The following CNTNAP2 variants were observed in gnomAD, a reference collection of about 807,000 sequenced individuals.
CNTNAP2 encodes the protein contactin-associated protein-like 2.
CNTNAP2 carries 98 observed loss-of-function variants against 155.2 expected under a neutral mutation model. The ratio of observed to expected loss-of-function variants is 0.63; its 90% CI spans 0.54 to 0.75. The LOEUF (loss-of-function observed/expected upper bound fraction) is 0.75, where lower values mean the gene tolerates loss of function less well. CNTNAP2 is among the 30% of genes least tolerant of loss of function. The pLI is 0.00. For missense variants in CNTNAP2, 1,727 were observed against 1,688.1 expected (o/e 1.02, Z -0.40); for synonymous variants, 651 against 631.2 (o/e 1.03, Z -0.47).
intron 11 of CNTNAP2, among the ~76,000 whole-genome samples, chr7:147,531,358 C>A (rs1178586437): frequency 6.6e-6 from 1 of 152,224 alleles, no homozygotes; most frequent in Non-Finnish European, 1.5e-5. Context: ...ATGAGGGCCC[C>A]ATCCCTGCAG....
intron 21 of CNTNAP2, among the ~76,000 whole-genome samples, chr7:148,297,775 C>T (rs1006781847): frequency 1.3e-5 from 2 of 152,054 alleles, no homozygotes; most frequent in Non-Finnish European, 2.9e-5. Context: ...CGTGTTCTGG[C>T]CAGTTTTCTT....
intron 17 of CNTNAP2, among the ~76,000 whole-genome samples, chr7:148,152,951 G>A (rs1805328628): frequency 6.7e-6 from 1 of 150,218 alleles, no homozygotes; most frequent in Non-Finnish European, 1.5e-5. Flanking sequence ...AACCCGGGAG[G>A]CGGAGCTTGC....
intron 3 of CNTNAP2, 40 bp from the exon 4 acceptor site, chr7:147,043,867 G>T: frequency 6.2e-7 from 1 of 1,611,902 alleles, no homozygotes; most frequent in East Asian, 2.2e-5. Context: ...TGTTTCTAAA[G>T]TATTTTTCCC....
intron 1 of CNTNAP2, among the ~76,000 whole-genome samples, chr7:146,526,088 C>A (rs1187309411): frequency 1.3e-5 from 2 of 151,818 alleles, no homozygotes; most frequent in South Asian, 2.1e-4. Flanking sequence ...GTAAAAAAAC[C>A]AAGCCTGTAA....
chr7:147,434,582 T>G (rs191635148), intron 10 of CNTNAP2, among the ~76,000 whole-genome samples: 1 of 152,230 alleles, frequency 6.6e-6, no homozygotes, highest in Non-Finnish European at 1.5e-5. Flanking sequence ...ATATGGACTT[T>G]AAACAAATAC....
chr7:146,628,866 C>T (rs1476993185), intron 1 of CNTNAP2, among the ~76,000 whole-genome samples: 1 of 152,046 alleles, frequency 6.6e-6, no homozygotes. Context: ...GCCCACATTA[C>T]TTGACGGTTA....
At chr7:148,056,771 A>G (rs1489336672) in intron 15 of CNTNAP2, 1 of 152,228 alleles carries the variant, frequency 6.6e-6, no homozygotes, top group Non-Finnish European at 1.5e-5. Flanking sequence ...ACCCAAAAAT[A>G]TGCTGATCTG....
intron 21 of CNTNAP2, among the ~76,000 whole-genome samples, chr7:148,383,406 A>G (rs1799113952): frequency 6.6e-6 from 1 of 152,156 alleles, no homozygotes; most frequent in African/African-American, 2.4e-5. Flanking sequence ...GTACTGAGAA[A>G]TGTATTTTAT....
intron 3 of CNTNAP2, among the ~76,000 whole-genome samples, chr7:146,995,207 A>T (rs546641160): frequency 2.6e-5 from 4 of 152,044 alleles, no homozygotes; most frequent in Non-Finnish European, 5.9e-5. Context: ...CATTGTGTAT[A>T]TATACTATGT....
At chr7:148,111,549 T>C (rs1804353199) in intron 15 of CNTNAP2, among the ~76,000 whole-genome samples, 1 of 143,482 alleles carries the variant, frequency 7.0e-6, no homozygotes, top group Non-Finnish European at 1.5e-5. Context: ...AAAAAAAAAA[T>C]CTAAAATAAA....
intron 1 of CNTNAP2, among the ~76,000 whole-genome samples, chr7:146,218,594 A>G (rs1285439058): frequency 6.6e-6 from 1 of 152,102 alleles, no homozygotes; most frequent in Non-Finnish European, 1.5e-5. Context: ...AAAAATATAT[A>G]TATTTCTTTT....
chr7:147,162,770 A>C (rs1802050663), intron 8 of CNTNAP2, among the ~76,000 whole-genome samples: 1 of 152,188 alleles, frequency 6.6e-6, no homozygotes, highest in Non-Finnish European at 1.5e-5. Context: ...GTAAGCATAA[A>C]AACATGTCTG....
intron 22 of CNTNAP2, among the ~76,000 whole-genome samples, chr7:148,399,445 C>G (rs1201178184): frequency 1.3e-5 from 2 of 152,172 alleles, no homozygotes; most frequent in African/African-American, 4.8e-5. Context: ...TGCATCTGTT[C>G]TCTCTCATAT....
At chr7:147,360,729 T>C (rs971636977) in intron 9 of CNTNAP2, among the ~76,000 whole-genome samples, 7 of 152,170 alleles carry the variant, frequency 4.6e-5, no homozygotes, top group African/African-American at 1.7e-4. Flanking sequence ...TATTTATTAA[T>C]TTTATATAGT....
intron 3 of CNTNAP2, among the ~76,000 whole-genome samples, chr7:147,037,146 T>A (rs1352327891): frequency 6.6e-6 from 1 of 152,024 alleles, no homozygotes; most frequent in East Asian, 1.9e-4. Context: ...TGTAAAAATT[T>A]GTAGAAATAA....
intron 22 of CNTNAP2, among the ~76,000 whole-genome samples, chr7:148,386,139 C>G (rs1362777257): frequency 6.6e-6 from 1 of 152,078 alleles, no homozygotes; most frequent in East Asian, 1.9e-4. Flanking sequence ...ACATGAGATC[C>G]ATTTGCAGAA....
chr7:148,398,805 G>T (rs1267157496), intron 22 of CNTNAP2, among the ~76,000 whole-genome samples: 1 of 152,130 alleles, frequency 6.6e-6, no homozygotes, highest in African/African-American at 2.4e-5. Flanking sequence ...ATAGATCCAG[G>T]GTCTCCTGAA....
intron 11 of CNTNAP2, among the ~76,000 whole-genome samples, chr7:147,506,738 C>T (rs1357056161): frequency 6.6e-6 from 1 of 152,206 alleles, no homozygotes; most frequent in African/African-American, 2.4e-5. Context: ...GCCACCTGGG[C>T]CACTAACATC....
intron 15 of CNTNAP2, among the ~76,000 whole-genome samples, chr7:148,010,222 AATTAT>A (rs561627720): frequency 9.1e-4 from 138 of 151,630 alleles, no homozygotes; most frequent in Middle Eastern, 3.5e-3. Context: ...ATCTTTTGAT[AATTAT>A]ATTAATATAT....
Sources: gnomAD v4.1 joint callset for allele counts (sites outside exome capture counted in the v4.1 genomes callset) on GRCh38, gnomAD v4.1.1 for gene constraint, MANE v1.5 for transcripts, NCBI Gene and HGNC (gene_info 2026-07-23, HGNC 2026-07-21) for gene names.